RBFOX1: variants seen among roughly 807,000 people sequenced by gnomAD.
RBFOX1 encodes RNA binding protein fox-1 homolog 1.
RBFOX1 carries 8 observed loss-of-function variants against 57.7 expected under a neutral mutation model. The observed-to-expected ratio is 0.14, with a 90% confidence interval of 0.08 to 0.25. The LOEUF (loss-of-function observed/expected upper bound fraction) is 0.25, where lower values mean the gene tolerates loss of function less well. Ranked by LOEUF, RBFOX1 falls within the 10% of genes least tolerant of loss-of-function variation. The probability of loss-of-function intolerance (pLI) is 1.00; values close to 1 mark genes in which losing one functional copy is unlikely to be tolerated. For synonymous variants in RBFOX1, 326 were observed against 222.4 expected, an observed-to-expected ratio of 1.47 and a Z score of -4.15; for missense variants, 611 against 548.5, an observed-to-expected ratio of 1.11 and a Z score of -1.14.
intron 1 of RBFOX1, among the ~76,000 whole-genome samples, chr16:5,256,404 C>G (rs1437884954): frequency 6.6e-6 from 1 of 152,176 alleles, no homozygotes; most frequent in Non-Finnish European, 1.5e-5. Context: ...TTCACCTGTC[C>G]TCACATGTCC....
chr16:5,996,470 C>T (rs912096086), intron 4 of RBFOX1, among the ~76,000 whole-genome samples: 2 of 150,174 alleles, frequency 1.3e-5, no homozygotes, highest in African/African-American at 4.9e-5. Flanking sequence ...TTTTTTCTCC[C>T]AATAAGCAGT....
chr16:7,351,109 C>T (rs1351739446), intron 4 of RBFOX1, among the ~76,000 whole-genome samples: 1 of 152,142 alleles, frequency 6.6e-6, no homozygotes, highest in Non-Finnish European at 1.5e-5. Flanking sequence ...AGAGAAGGCC[C>T]CTTGGGACTG....
intron 3 of RBFOX1, among the ~76,000 whole-genome samples, chr16:7,020,697 A>G (rs575483487): frequency 6.6e-6 from 1 of 152,302 alleles, no homozygotes; most frequent in African/African-American, 2.4e-5. Flanking sequence ...ATCACACTGC[A>G]GAGGGAAGAG....
intron 2 of RBFOX1, among the ~76,000 whole-genome samples, chr16:5,484,767 C>T (rs2069667087): frequency 6.6e-6 from 1 of 151,580 alleles, no homozygotes; most frequent in Admixed American, 6.6e-5. Context: ...AAAAAATTAG[C>T]CAGGCGTGGT....
At chr16:6,182,671 T>C (rs2097073316) in intron 1 of RBFOX1, among the ~76,000 whole-genome samples, 1 of 152,198 alleles carries the variant, frequency 6.6e-6, no homozygotes, top group Admixed American at 6.5e-5. Context: ...TTTTAAAATA[T>C]ATTTTTGCAA....
chr16:7,642,837 G>C (rs553375981), intron 11 of RBFOX1, among the ~76,000 whole-genome samples: 1 of 152,152 alleles, frequency 6.6e-6, no homozygotes, highest in Non-Finnish European at 1.5e-5. Context: ...AGGACAGAAA[G>C]CACCTTTGCA....
At chr16:6,700,379 C>G (rs1446918990) in intron 3 of RBFOX1, among the ~76,000 whole-genome samples, 1 of 151,624 alleles carries the variant, frequency 6.6e-6, no homozygotes, top group Non-Finnish European at 1.5e-5. Context: ...GAATTTTGAC[C>G]AGGTGTCATG....
At chr16:6,512,656 G>T (rs986786469) in intron 2 of RBFOX1, among the ~76,000 whole-genome samples, 1 of 152,310 alleles carries the variant, frequency 6.6e-6, no homozygotes, top group South Asian at 2.1e-4. Context: ...GGGAATATCT[G>T]TGAGGCTTTC....
intron 4 of RBFOX1, among the ~76,000 whole-genome samples, chr16:7,349,154 C>T (rs1448174765): frequency 1.3e-5 from 2 of 152,046 alleles, no homozygotes; most frequent in Non-Finnish European, 1.5e-5. Context: ...TCCTAGAGAC[C>T]CACTGAAGTT....
intron 2 of RBFOX1, among the ~76,000 whole-genome samples, chr16:6,639,232 C>T (rs1409727324): frequency 6.6e-6 from 1 of 152,164 alleles, no homozygotes; most frequent in African/African-American, 2.4e-5. Flanking sequence ...CTTGGACTGC[C>T]CATTGGATGT....
At chr16:6,997,552 G>A (rs926213900) in intron 3 of RBFOX1, among the ~76,000 whole-genome samples, 1 of 152,118 alleles carries the variant, frequency 6.6e-6, no homozygotes, top group Non-Finnish European at 1.5e-5. Flanking sequence ...AGTTTAATGT[G>A]TATGCAAATT....
At chr16:7,474,956 G>A (rs758323253) in intron 4 of RBFOX1, among the ~76,000 whole-genome samples, 1 of 152,158 alleles carries the variant, frequency 6.6e-6, no homozygotes, top group African/African-American at 2.4e-5. Flanking sequence ...CCAATGCAGA[G>A]CCGCCATCTT....
At chr16:7,237,471 A>G (rs1465493188) in intron 4 of RBFOX1, among the ~76,000 whole-genome samples, 1 of 152,258 alleles carries the variant, frequency 6.6e-6, no homozygotes, top group Non-Finnish European at 1.5e-5. Flanking sequence ...TAACTCATTT[A>G]CATATGTAAC....
chr16:5,351,482 C>G (rs528277289), intron 1 of RBFOX1, among the ~76,000 whole-genome samples: 90 of 152,330 alleles, frequency 5.9e-4, no homozygotes, highest in Non-Finnish European at 9.7e-4. Context: ...TATCATTGAA[C>G]TGATGCCTAT....
chr16:5,696,363 A>G (rs545798105), intron 3 of RBFOX1, among the ~76,000 whole-genome samples: 46 of 152,320 alleles, frequency 3.0e-4, no homozygotes, highest in African/African-American at 1.1e-3. Context: ...TAACTTCTGT[A>G]TAATATCTCC....
chr16:6,236,794 C>A (rs906124550), intron 1 of RBFOX1, among the ~76,000 whole-genome samples: 3 of 151,916 alleles, frequency 2.0e-5, no homozygotes, highest in Non-Finnish European at 2.9e-5. Context: ...TGTGTTATGT[C>A]CACACGTTTT....
At chr16:7,380,431 A>G (rs1270808207) in intron 4 of RBFOX1, among the ~76,000 whole-genome samples, 3 of 152,218 alleles carry the variant, frequency 2.0e-5, no homozygotes, top group African/African-American at 7.2e-5. Context: ...CTCTGTTACC[A>G]CTTAAAAATA....
At chr16:6,199,570 C>G (rs568369244) in intron 1 of RBFOX1, among the ~76,000 whole-genome samples, 6 of 152,038 alleles carry the variant, frequency 3.9e-5, no homozygotes, top group African/African-American at 1.4e-4. Context: ...CACATTGGAC[C>G]AAAGGTCTTT....
At chr16:5,546,844 C>G (rs2045227835) in intron 2 of RBFOX1, among the ~76,000 whole-genome samples, 1 of 152,110 alleles carries the variant, frequency 6.6e-6, no homozygotes, top group South Asian at 2.1e-4. Context: ...GAGAAAATGT[C>G]TGCAAACTAT....
Sources: allele counts gnomAD v4.1 joint callset (sites outside exome capture counted in the v4.1 genomes callset), GRCh38; gene constraint gnomAD v4.1.1; transcripts MANE v1.5; gene names NCBI Gene and HGNC (gene_info 2026-07-23, HGNC 2026-07-21).